The following CREB5 variants were observed in gnomAD, a reference collection of about 807,000 sequenced individuals.
CREB5 encodes cAMP responsive element binding protein 5, also known as cyclic AMP-responsive element-binding protein 5.
In CREB5, 19 loss-of-function variants were observed where a neutral mutation model predicts 57.1. That is an observed-to-expected ratio of 0.33 (90% CI 0.23 to 0.49). CREB5 has a LOEUF of 0.49. Among genes scored for constraint, CREB5 ranks in the 20% least tolerant of loss-of-function variants. CREB5 has a pLI of 0.99. For missense variants in CREB5, 579 were observed against 671.6 expected, an observed-to-expected ratio of 0.86 and a Z score of 1.52; for synonymous variants, 238 against 238.3, an observed-to-expected ratio of 1.00 and a Z score of 0.01.
At chr7:28,663,768 T>A (rs114386880) in intron 5 of CREB5, among the ~76,000 whole-genome samples, 4,440 of 152,330 alleles carry the variant, frequency 0.029, 95 homozygotes, top group Middle Eastern at 0.051. Context: ...TGTTTACATT[T>A]GTGTGTTTGT....
intron 7 of CREB5, among the ~76,000 whole-genome samples, chr7:28,742,357 G>A (rs1583652468): frequency 6.6e-6 from 1 of 152,008 alleles, no homozygotes; most frequent in Non-Finnish European, 1.5e-5. Context: ...ATGAGGTCAG[G>A]AGATCGAGAC....
At chr7:28,441,553 G>C (rs1225487922) in intron 1 of CREB5, among the ~76,000 whole-genome samples, 3 of 152,076 alleles carry the variant, frequency 2.0e-5, no homozygotes, top group Non-Finnish European at 4.4e-5. Flanking sequence ...GATACCAAAA[G>C]CATCACATCT....
intron 1 of CREB5, among the ~76,000 whole-genome samples, chr7:28,456,550 G>A (rs1256647539): frequency 1.3e-5 from 2 of 152,150 alleles, no homozygotes; most frequent in South Asian, 2.1e-4. Flanking sequence ...TGCTAATGGG[G>A]GTACTACTCC....
intron 1 of CREB5, among the ~76,000 whole-genome samples, chr7:28,301,134 A>T (rs1374067537): frequency 6.6e-6 from 1 of 152,238 alleles, no homozygotes; most frequent in African/African-American, 2.4e-5. Flanking sequence ...CCGCTCTAAC[A>T]GAAAAGTTGC....
intron 1 of CREB5, among the ~76,000 whole-genome samples, chr7:28,422,229 A>T (rs42732): frequency 0.94 from 142,667 of 152,104 alleles, 66,974 homozygotes; most frequent in East Asian, 0.98. Flanking sequence ...GGAAAAACAG[A>T]GAAAATTGCA....
intron 4 of CREB5, among the ~76,000 whole-genome samples, chr7:28,509,983 G>A (rs137987955): frequency 9.4e-4 from 143 of 152,326 alleles, no homozygotes; most frequent in African/African-American, 3.3e-3. Flanking sequence ...CCAGCCTCAG[G>A]TGGCCATGGT....
intron 5 of CREB5, among the ~76,000 whole-genome samples, chr7:28,640,188 A>G (rs1004244905): frequency 3.9e-5 from 6 of 152,204 alleles, no homozygotes; most frequent in Non-Finnish European, 8.8e-5. Flanking sequence ...CAAGAGCCTC[A>G]GCCACAGAGC....
At chr7:28,707,736 T>A (rs1351841410) in intron 5 of CREB5, among the ~76,000 whole-genome samples, 1 of 152,254 alleles carries the variant, frequency 6.6e-6, no homozygotes, top group Non-Finnish European at 1.5e-5. Flanking sequence ...TATTTGTTCT[T>A]GGGAGATATT....
At chr7:28,656,711 G>A (rs530261935) in intron 5 of CREB5, among the ~76,000 whole-genome samples, 14 of 152,314 alleles carry the variant, frequency 9.2e-5, no homozygotes, top group Middle Eastern at 6.8e-3. Flanking sequence ...ATTTAAGAAA[G>A]TCCATCTCTG....
chr7:28,560,720 A>G (rs2128639421), intron 4 of CREB5, among the ~76,000 whole-genome samples: 1 of 152,118 alleles, frequency 6.6e-6, no homozygotes, highest in East Asian at 1.9e-4. Flanking sequence ...ATGAAAACAC[A>G]GACCTGCTGA....
chr7:28,739,164 G>T (rs530282238), intron 7 of CREB5, among the ~76,000 whole-genome samples: 109 of 152,330 alleles, frequency 7.2e-4, no homozygotes, highest in African/African-American at 2.5e-3. Flanking sequence ...AAGGTCCTGT[G>T]CTCTTCAATA....
intron 4 of CREB5, among the ~76,000 whole-genome samples, chr7:28,560,891 T>TGCGTGCGCGCGCGTGCGTGC (rs1314317818): frequency 5.1e-5 from 1 of 19,726 alleles, no homozygotes; most frequent in Non-Finnish European, 9.3e-5. Flanking sequence ...TGCGTGCGTG[T>TGCGTGCGCGCGCGTGCGTGC]GTGTGCGTGC....
intron 5 of CREB5, among the ~76,000 whole-genome samples, chr7:28,575,051 C>G (rs543847425): frequency 6.6e-6 from 1 of 152,348 alleles, no homozygotes; most frequent in Admixed American, 6.5e-5. Flanking sequence ...TGTACCTCCT[C>G]TTACCTTTTC....
chr7:28,790,160 T>A (rs550866979), intron 7 of CREB5, among the ~76,000 whole-genome samples: 24 of 152,374 alleles, frequency 1.6e-4, no homozygotes, highest in African/African-American at 5.8e-4. Context: ...ACAAATTGAA[T>A]TTTAGTGCAT....
chr7:28,323,934 G>A (rs961770040), intron 1 of CREB5, among the ~76,000 whole-genome samples: 2 of 152,138 alleles, frequency 1.3e-5, no homozygotes, highest in African/African-American at 2.4e-5. Context: ...TAAGGAGGAT[G>A]CAACCTAGAT....
intron 3 of CREB5, among the ~76,000 whole-genome samples, chr7:28,500,979 A>T (rs898434265): frequency 5.3e-5 from 8 of 152,158 alleles, no homozygotes; most frequent in Non-Finnish European, 7.4e-5. Context: ...GCAGCATGGT[A>T]ATAATACTAG....
intron 7 of CREB5, among the ~76,000 whole-genome samples, chr7:28,750,810 T>C (rs1225974401): frequency 1.3e-5 from 2 of 152,150 alleles, no homozygotes; most frequent in Admixed American, 6.5e-5. Context: ...AAATACTCAT[T>C]TTAAATGTGT....
In CREB5 at chr7:28,823,257, A is replaced by C. The variant is rs1427550566; in HGVS notation, c.*3978A>C. ...GGAAAAACCATCTAAGAAAATATAT[A>C]TGTATGTATGTGTGTATACAGTGGA... On this transcript the variant is annotated 3_prime_UTR_variant, in exon 11 of 11. Coordinates refer to ENST00000357727, the MANE Select transcript of CREB5 (RefSeq NM_182898.4). 1 of 152,622 alleles carries C rather than the reference A, an allele frequency of 6.6e-6. No individual in the cohort carries two copies. Among genetic ancestry groups the C allele is most frequent in the African/African-American group, 2.4e-5 (1 of 41,438 alleles). The allele number at this position is 152,622 out of a possible 1,614,324, so 9.5% of individuals were successfully genotyped here. A position where few individuals can be genotyped will look rare whatever the true frequency, so the allele number is the denominator to read the frequency against.
intron 1 of CREB5, among the ~76,000 whole-genome samples, chr7:28,455,000 C>T (rs1790024457): frequency 6.6e-6 from 1 of 152,186 alleles, no homozygotes; most frequent in African/African-American, 2.4e-5. Flanking sequence ...ATCTGAGCAC[C>T]TCCCTGACGT....
Sources: allele counts gnomAD v4.1 joint callset (sites outside exome capture counted in the v4.1 genomes callset), GRCh38; gene constraint gnomAD v4.1.1; transcripts MANE v1.5; gene names NCBI Gene and HGNC (gene_info 2026-07-23, HGNC 2026-07-21).